Variants in ADAM9 observed in about 807,000 individuals in gnomAD.
ADAM9 encodes the protein ADAM metallopeptidase domain 9.
A neutral mutation model predicts 108.1 loss-of-function variants in ADAM9; 54 were observed. That is an observed-to-expected ratio of 0.50 (90% CI 0.40 to 0.63). The LOEUF is 0.63. Among genes scored for constraint, ADAM9 ranks in the 20% least tolerant of loss-of-function variants. The pLI, the probability that ADAM9 is intolerant of heterozygous loss-of-function variation, is 0.00. For synonymous variants in ADAM9, 316 were observed against 336.0 expected (o/e 0.94, Z 0.65); for missense variants, 830 against 997.7 (o/e 0.83, Z 2.26).
At chr8:39,062,312 A>C (rs909385466) in intron 14 of ADAM9, among the ~76,000 whole-genome samples, 13 of 152,236 alleles carry the variant, frequency 8.5e-5, no homozygotes, top group African/African-American at 3.1e-4. Flanking sequence ...CCCTGCCTTT[A>C]GTTGAGAGTT....
intron 12 of ADAM9, 74 bp from the exon 13 acceptor site, chr8:39,054,407 A>C: frequency 7.6e-7 from 1 of 1,307,874 alleles, no homozygotes; most frequent in East Asian, 2.4e-5. Context: ...TTTTAGGTGT[A>C]AGATGAGAAT....
chr8:38,997,619 G>A (rs1332469852), intron 1 of ADAM9, among the ~76,000 whole-genome samples: 1 of 152,224 alleles, frequency 6.6e-6, no homozygotes, highest in East Asian at 1.9e-4. Context: ...ACTGAGAGAT[G>A]AAACTTTTGC....
At chr8:39,023,762 T>C (rs1836828255) in intron 9 of ADAM9, among the ~76,000 whole-genome samples, 1 of 146,804 alleles carries the variant, frequency 6.8e-6, no homozygotes, top group South Asian at 2.2e-4. Flanking sequence ...TTTTTTTTTT[T>C]TGGAGACAGA....
chr8:39,016,903 C>T, intron 5 of ADAM9: 1 of 359,850 alleles, frequency 2.8e-6, no homozygotes, highest in Non-Finnish European at 5.2e-6. Context: ...TAGTAGAAGA[C>T]ATTTGGAATT....
At chr8:39,030,560 C>T (rs888554452) in intron 11 of ADAM9, among the ~76,000 whole-genome samples, 6 of 152,124 alleles carry the variant, frequency 3.9e-5, no homozygotes, top group Non-Finnish European at 8.8e-5. Context: ...CATAAGTGTC[C>T]GTGTGCAGGG....
chr8:39,031,967 G>A (rs576724694), intron 11 of ADAM9, among the ~76,000 whole-genome samples: 1 of 152,262 alleles, frequency 6.6e-6, no homozygotes, highest in South Asian at 2.1e-4. Context: ...TTTTGCCTGG[G>A]TATTACCAGT....
chr8:39,102,094 T>G (rs1276778583), intron 21 of ADAM9, among the ~76,000 whole-genome samples, 164 bp downstream of exon 21: 4 of 152,192 alleles, frequency 2.6e-5, no homozygotes, highest in African/African-American at 9.6e-5. Context: ...TTATATAAAT[T>G]TTATCATATT....
intron 1 of ADAM9, among the ~76,000 whole-genome samples, chr8:39,003,964 C>G (rs1836083585): frequency 6.6e-6 from 1 of 152,138 alleles, no homozygotes; most frequent in Admixed American, 6.5e-5. Context: ...AGACAGAAGA[C>G]TTGGTTTCTA....
In ADAM9 at chr8:39,029,190, A is replaced by G. The variant is rs552868829; in HGVS notation, c.1130+2380A>G. 2.0e-5 allele frequency among the ~76,000 whole-genome samples: 3 copies of G among 148,080 alleles called. No individual in the cohort carries two copies. In the South Asian group the frequency reaches 6.5e-4, roughly 32 times the overall value. On this transcript the variant is annotated intron_variant, in intron 11 of 21. Transcript: ENST00000487273. ...TAAACTTGCTAGGGATACAGTAGATAGAAAGGGAGTGAACTGTTCATTACT... is the reference window on the plus strand; with the variant it reads ...TAAACTTGCTAGGGATACAGTAGATGGAAAGGGAGTGAACTGTTCATTACT...
intron 7 of ADAM9, among the ~76,000 whole-genome samples, chr8:39,020,509 T>C (rs1836702120): frequency 6.6e-6 from 1 of 152,242 alleles, no homozygotes; most frequent in Admixed American, 6.5e-5. Flanking sequence ...ATTTTTCTTC[T>C]GCTAAATTGG....
chr8:39,094,606 T>C lies in ADAM9; in HGVS notation c.2298+3260T>C, dbSNP rs561282674. Among the ~76,000 whole-genome samples the C allele has an allele frequency of 1.3e-4, 20 of 152,318 alleles. No individual in the cohort carries two copies. The South Asian group carries it at 3.5e-3, about 27-fold the overall frequency. On this transcript the variant is annotated intron_variant, in intron 20 of 21. Transcript: ENST00000487273. ...GTTACTAATTCAATCTCCTTACTTA[T>C]TATTGATCTTTTCAGATTTTTTATT...
chr8:39,048,359 A>G (rs1837842885), intron 12 of ADAM9, among the ~76,000 whole-genome samples: 2 of 152,018 alleles, frequency 1.3e-5, no homozygotes, highest in Admixed American at 1.3e-4. Flanking sequence ...CATATTGGTG[A>G]ATTTTCCATT....
chr8:39,030,315 G>C (rs542126257), intron 11 of ADAM9, among the ~76,000 whole-genome samples: 2 of 151,708 alleles, frequency 1.3e-5, no homozygotes, highest in Non-Finnish European at 2.9e-5. Flanking sequence ...CCATAGTTTC[G>C]TGTTTTCCAG....
intron 7 of ADAM9, among the ~76,000 whole-genome samples, chr8:39,021,016 A>C (rs1203810380): frequency 6.6e-6 from 1 of 152,254 alleles, no homozygotes; most frequent in Non-Finnish European, 1.5e-5. Flanking sequence ...TACCTTTGTG[A>C]AATGCTTGAA....
At chr8:39,078,288 A>G (rs1253387957) in intron 16 of ADAM9, among the ~76,000 whole-genome samples, 1 of 151,374 alleles carries the variant, frequency 6.6e-6, no homozygotes, top group Non-Finnish European at 1.5e-5. Flanking sequence ...TAAGTTTTTG[A>G]TAGTGCAATT....
chr8:39,091,429 A>G, intron 20 of ADAM9, 83 bp downstream of exon 20: 1 of 1,203,718 alleles, frequency 8.3e-7, no homozygotes, highest in Non-Finnish European at 1.2e-6. Flanking sequence ...TTATATAGCT[A>G]TAGCTAGAAA....
At chr8:39,079,594 A>AT (rs397786496) in intron 16 of ADAM9, among the ~76,000 whole-genome samples, 32,710 of 142,054 alleles carry the variant, frequency 0.23, 4,030 homozygotes, top group South Asian at 0.29. Context: ...AATATCATGA[A>AT]TTTTTTTTTT....
At chr8:39,029,209 C>T (rs965405018) in intron 11 of ADAM9, among the ~76,000 whole-genome samples, 2 of 143,260 alleles carry the variant, frequency 1.4e-5, no homozygotes, top group Admixed American at 7.2e-5. Context: ...GTGAACTGTT[C>T]ATTACTGGAT....
intron 14 of ADAM9, among the ~76,000 whole-genome samples, chr8:39,058,435 C>A (rs1838195326): frequency 6.6e-6 from 1 of 152,180 alleles, no homozygotes; most frequent in South Asian, 2.1e-4. Context: ...AGGGTCTGGG[C>A]CATTTGTAGT....
Sources: allele counts gnomAD v4.1 joint callset (sites outside exome capture counted in the v4.1 genomes callset), GRCh38; gene constraint gnomAD v4.1.1; transcripts MANE v1.5; gene names NCBI Gene and HGNC (gene_info 2026-07-23, HGNC 2026-07-21).